Variants in GUCY2C observed in about 807,000 individuals in gnomAD.
GUCY2C encodes guanylyl cyclase C.
GUCY2C carries 118 observed loss-of-function variants against 131.1 expected under a neutral mutation model. The ratio of observed to expected loss-of-function variants is 0.90; its 90% confidence interval spans 0.78 to 1.05. The LOEUF (loss-of-function observed/expected upper bound fraction) is 1.05. Among genes scored for constraint, GUCY2C ranks in the 50% least tolerant of loss-of-function variants. The pLI is 0.00. For synonymous variants in GUCY2C, 452 were observed against 457.8 expected, an observed-to-expected ratio of 0.99 and a Z score of 0.16; for missense variants, 1,161 against 1,304.4, an observed-to-expected ratio of 0.89 and a Z score of 1.69.
At chr12:14,662,177 G>C (rs1947881335) in intron 10 of GUCY2C, among the ~76,000 whole-genome samples, 1 of 152,086 alleles carries the variant, frequency 6.6e-6, no homozygotes, top group African/African-American at 2.4e-5. Flanking sequence ...AGTGATAGGA[G>C]TATGGTGAAG....
At chr12:14,637,451 C>T (rs755648310) in intron 19 of GUCY2C, among the ~76,000 whole-genome samples, 4 of 151,922 alleles carry the variant, frequency 2.6e-5, no homozygotes, top group Non-Finnish European at 5.9e-5. Context: ...AAAATCCATA[C>T]GAAACCAAAA....
At chr12:14,685,614 C>T (rs1368464036) in intron 3 of GUCY2C, among the ~76,000 whole-genome samples, 1 of 152,038 alleles carries the variant, frequency 6.6e-6, no homozygotes, top group Admixed American at 6.6e-5. Flanking sequence ...TTCCCAGAGC[C>T]AGAAAAATAT....
At chr12:14,656,365 AG>A (rs1187723869) in intron 12 of GUCY2C, 146 bp downstream of exon 12, 2 of 588,204 alleles carry the variant, frequency 3.4e-6, no homozygotes, top group African/African-American at 3.6e-5. Context: ...ATCAAGGGGA[AG>A]GGAGAGAGCT....
chr12:14,619,380 C>T lies in GUCY2C; in HGVS notation c.2777-71G>A. Reference sequence around the variant, plus strand: ...CAGAGTAGAGTGAAGACAGGTAAGCCTCTCTGTATGGTCACAATCCTGAAT... The same window carrying T: ...CAGAGTAGAGTGAAGACAGGTAAGCTTCTCTGTATGGTCACAATCCTGAAT... On this transcript the variant is annotated intron_variant, in intron 23 of 26. Coordinates refer to ENST00000261170, the MANE Select transcript of GUCY2C (RefSeq NM_004963.4). 4 of 914,894 alleles carry T rather than the reference C, an allele frequency of 4.4e-6. 1 individual carries two copies. In the South Asian group the frequency reaches 5.3e-5, roughly 12 times the overall value. The allele number at this position is 914,894 out of a possible 1,614,324, so 56.7% of individuals were successfully genotyped here. A position where few individuals can be genotyped will look rare whatever the true frequency, so the allele number is the denominator to read the frequency against.
intron 19 of GUCY2C, among the ~76,000 whole-genome samples, chr12:14,629,933 G>A (rs746323128): frequency 5.9e-5 from 9 of 151,994 alleles, no homozygotes; most frequent in Non-Finnish European, 1.0e-4. Context: ...TAAGTATGTC[G>A]CAAATATTGT....
intron 1 of GUCY2C, among the ~76,000 whole-genome samples, chr12:14,691,251 T>C (rs1008636491): frequency 2.0e-5 from 3 of 152,156 alleles, no homozygotes; most frequent in African/African-American, 7.2e-5. Flanking sequence ...ACTAGCCAAA[T>C]AGGAGACTTC....
intron 15 of GUCY2C, 59 bp downstream of exon 15, chr12:14,651,348 A>G: frequency 1.2e-6 from 1 of 852,936 alleles, no homozygotes; most frequent in Non-Finnish European, 2.0e-6. Flanking sequence ...AAATATTTTA[A>G]AAGGCCTGCT....
At chr12:14,667,566 A>G (rs1240123835) in intron 10 of GUCY2C, among the ~76,000 whole-genome samples, 1 of 152,238 alleles carries the variant, frequency 6.6e-6, no homozygotes. Context: ...AAACGCAGGT[A>G]TAGCTCTGAC....
chr12:14,685,623 A>G (rs1434674341), intron 3 of GUCY2C, among the ~76,000 whole-genome samples: 1 of 152,240 alleles, frequency 6.6e-6, no homozygotes, highest in African/African-American at 2.4e-5. Flanking sequence ...CCAGAAAAAT[A>G]TATTCATTCT....
intron 10 of GUCY2C, chr12:14,666,102 T>C (rs1947974169): frequency 6.6e-6 from 1 of 152,300 alleles, no homozygotes; most frequent in Admixed American, 6.5e-5. Context: ...GTCTGATTTA[T>C]ATAGGGCCCA....
chr12:14,650,551 T>C (rs1947629681), intron 15 of GUCY2C, among the ~76,000 whole-genome samples: 1 of 152,220 alleles, frequency 6.6e-6, no homozygotes, highest in South Asian at 2.1e-4. Context: ...CAGCCTTGTT[T>C]ATTATTTTTT....
intron 11 of GUCY2C, among the ~76,000 whole-genome samples, chr12:14,657,823 T>C (rs986056159): frequency 4.6e-5 from 7 of 152,130 alleles, no homozygotes; most frequent in African/African-American, 1.7e-4. Flanking sequence ...ACTGCTGGTA[T>C]AGATGAAGCA....
At position 14,674,540 on chromosome 12, in the gene GUCY2C, G is replaced by A. The variant is rs748225483; in HGVS notation, c.1084+85C>T. The A allele has an allele frequency of 1.4e-5, 17 of 1,258,230 alleles. No homozygotes were observed. The South Asian group carries it at 1.9e-4, about 14-fold the overall frequency. The allele number at this position is 1,258,230 out of a possible 1,614,324, so 77.9% of individuals were successfully genotyped here. Reference sequence around the variant, plus strand: ...GGATTTAGCTGTGGAATCATCTATTGCTAAACCTTCTTTGTTGCCCCAAAT... The same window carrying A: ...GGATTTAGCTGTGGAATCATCTATTACTAAACCTTCTTTGTTGCCCCAAAT... On this transcript the variant is annotated intron_variant, in intron 8 of 26. Transcript: ENST00000261170.
chr12:14,693,361 A>T (rs1948606726), intron 1 of GUCY2C, among the ~76,000 whole-genome samples: 1 of 152,192 alleles, frequency 6.6e-6, no homozygotes, highest in Non-Finnish European at 1.5e-5. Context: ...CCTTGGAACC[A>T]TACAGCCTCA....
chr12:14,653,265 A>C (rs564914638), intron 12 of GUCY2C, among the ~76,000 whole-genome samples: 1 of 152,232 alleles, frequency 6.6e-6, no homozygotes, highest in East Asian at 1.9e-4. Context: ...TTGTGGCCCT[A>C]CTTCAACCAG....
chr12:14,691,287 T>C (rs1019706148), intron 1 of GUCY2C, among the ~76,000 whole-genome samples: 1 of 152,198 alleles, frequency 6.6e-6, no homozygotes, highest in African/African-American at 2.4e-5. Context: ...GTCAGAGATA[T>C]CTAATGGAAG....
chr12:14,625,947 A>C, intron 20 of GUCY2C, 32 bp from the exon 21 acceptor site: 5 of 1,293,178 alleles, frequency 3.9e-6, no homozygotes, highest in Non-Finnish European at 4.4e-6. Context: ...GAGCTCTTAT[A>C]TATTATTAAG....
At chr12:14,632,137 A>G (rs1411770327) in intron 19 of GUCY2C, among the ~76,000 whole-genome samples, 1 of 152,218 alleles carries the variant, frequency 6.6e-6, no homozygotes, top group Non-Finnish European at 1.5e-5. Flanking sequence ...GCCCTTTCTC[A>G]GATGAGTAGG....
At chr12:14,675,916 A>C (rs544208220) in intron 7 of GUCY2C, among the ~76,000 whole-genome samples, 2 of 152,348 alleles carry the variant, frequency 1.3e-5, no homozygotes, top group Non-Finnish European at 2.9e-5. Flanking sequence ...TCATGAGGTA[A>C]AAAGAATCCA....
Sources: allele counts gnomAD v4.1 joint callset (sites outside exome capture counted in the v4.1 genomes callset), GRCh38; gene constraint gnomAD v4.1.1; transcripts MANE v1.5; gene names NCBI Gene and HGNC (gene_info 2026-07-23, HGNC 2026-07-21).